BACH2: variants seen among roughly 807,000 people sequenced by gnomAD.
BACH2 encodes BACH transcriptional regulator 2, also known as transcription regulator protein BACH2.
BACH2 carries 5 observed loss-of-function variants against 61.8 expected under a neutral mutation model. The observed-to-expected ratio is 0.08, with a 90% CI of 0.04 to 0.17. The LOEUF is 0.17. Ranked by LOEUF, BACH2 falls within the 10% of genes least tolerant of loss-of-function variation. The probability of loss-of-function intolerance (pLI) is 1.00; values close to 1 mark genes in which losing one functional copy is unlikely to be tolerated. For missense variants in BACH2, 824 were observed against 1,091.1 expected (o/e 0.76, Z 3.45); for synonymous variants, 446 against 440.1 (o/e 1.01, Z -0.17).
chr6:90,050,199 C>G (rs1287702634), intron 5 of BACH2, among the ~76,000 whole-genome samples: 1 of 152,122 alleles, frequency 6.6e-6, no homozygotes, highest in Non-Finnish European at 1.5e-5. Context: ...TTTTGAAGAT[C>G]TGTGTAAGCT....
At chr6:90,093,624 G>A (rs569260164) in intron 4 of BACH2, among the ~76,000 whole-genome samples, 1 of 152,272 alleles carries the variant, frequency 6.6e-6, no homozygotes, top group East Asian at 1.9e-4. Flanking sequence ...TGCAGCCCTA[G>A]GTGGCTTCAC....
chr6:90,178,990 G>T (rs969219359), intron 4 of BACH2, among the ~76,000 whole-genome samples: 1 of 152,142 alleles, frequency 6.6e-6, no homozygotes, highest in African/African-American at 2.4e-5. Context: ...CATTTTTTAT[G>T]ACTCGTTAAA....
At chr6:90,199,795 A>G (rs937913682) in intron 4 of BACH2, among the ~76,000 whole-genome samples, 1 of 152,202 alleles carries the variant, frequency 6.6e-6, no homozygotes, top group African/African-American at 2.4e-5. Flanking sequence ...AGTTTTTTGA[A>G]GAGCTAAGGG....
At chr6:90,172,524 C>T (rs942892087) in intron 4 of BACH2, among the ~76,000 whole-genome samples, 2 of 151,514 alleles carry the variant, frequency 1.3e-5, no homozygotes, top group African/African-American at 2.4e-5. Context: ...GAAATGCCCA[C>T]CCAGACAAAG....
chr6:89,980,648 A>T (rs1775900413), intron 6 of BACH2, among the ~76,000 whole-genome samples: 1 of 152,180 alleles, frequency 6.6e-6, no homozygotes, highest in Non-Finnish European at 1.5e-5. Context: ...GGCCCTGAGG[A>T]CATTCACCTG....
intron 4 of BACH2, among the ~76,000 whole-genome samples, chr6:90,123,959 G>A (rs1304156197): frequency 6.6e-6 from 1 of 152,136 alleles, no homozygotes; most frequent in Non-Finnish European, 1.5e-5. Context: ...AGCTGATGAA[G>A]AAACCCGATG....
intron 5 of BACH2, among the ~76,000 whole-genome samples, chr6:90,058,008 C>T (rs1190624375): frequency 3.3e-5 from 5 of 152,194 alleles, no homozygotes; most frequent in African/African-American, 1.2e-4. Flanking sequence ...AAACCCACAG[C>T]CAATATCATA....
chr6:90,279,974 T>C (rs952060040), intron 1 of BACH2, among the ~76,000 whole-genome samples: 1 of 152,194 alleles, frequency 6.6e-6, no homozygotes. Flanking sequence ...TTGTTAGTCA[T>C]GGCCTTTTGA....
chr6:90,170,185 T>A (rs1223274243), intron 4 of BACH2, among the ~76,000 whole-genome samples: 3 of 152,214 alleles, frequency 2.0e-5, no homozygotes, highest in Non-Finnish European at 4.4e-5. Context: ...ACTTTCTGCA[T>A]AAACTTCAGT....
At chr6:90,044,008 T>C (rs1363929769) in intron 5 of BACH2, among the ~76,000 whole-genome samples, 1 of 152,156 alleles carries the variant, frequency 6.6e-6, no homozygotes, top group Non-Finnish European at 1.5e-5. Flanking sequence ...CCATCAATAT[T>C]GATGGAGTGT....
At chr6:90,286,509 T>C (rs1476864132) in intron 1 of BACH2, among the ~76,000 whole-genome samples, 2 of 152,200 alleles carry the variant, frequency 1.3e-5, no homozygotes, top group East Asian at 1.9e-4. Flanking sequence ...TGAAAATGTC[T>C]TGAACTTAAA....
At chr6:90,280,993 C>G (rs536053350) in intron 1 of BACH2, among the ~76,000 whole-genome samples, 14 of 152,342 alleles carry the variant, frequency 9.2e-5, no homozygotes, top group African/African-American at 2.9e-4. Context: ...GGTTTCCAGA[C>G]CCCTAAACAT....
rs1249243965 is a variant in BACH2, at chr6:89,938,235, C to T, written c.1952G>A (p.Arg651Gln). 1.9e-6 allele frequency: 3 copies of T among 1,614,208 alleles called. No homozygotes were observed. Among genetic ancestry groups the T allele is most frequent in the Non-Finnish European group, 1.7e-6 (2 of 1,180,022 alleles). ...SEQLEFIHDV[R>Q]RRSKNRIAAQ... The stretch of plus-strand genomic sequence containing the variant: ...CGCGATGCGGTTCTTGCTGCGCCGT[C>T]GGACATCATGAATAAACTCTAACTG... The change falls in exon 8 of 9, where the codon CGA (arginine) becomes CAA (glutamine). Residue 651 changes from arginine to glutamine, a missense_variant. Arg to Gln is a conservative substitution (Grantham distance 43, BLOSUM62 1). Coordinates refer to ENST00000257749, the MANE Select transcript of BACH2 (RefSeq NM_021813.4).
chr6:90,272,188 G>A lies in BACH2; in HGVS notation c.-445-247C>T, dbSNP rs958342770. 7.9e-5 allele frequency among the ~76,000 whole-genome samples: 12 copies of A among 151,942 alleles called. 1 individual carries two copies. The highest frequency in any genetic ancestry group is 1.3e-4 in the Admixed American group (2 of 15,264). ...TGCAGGGTACAAATGGCCTTCTTCCGTGTCAAATCTTATGTCCCCCTTTCA... is the reference window on the plus strand; with the variant it reads ...TGCAGGGTACAAATGGCCTTCTTCCATGTCAAATCTTATGTCCCCCTTTCA... On this transcript the variant is annotated intron_variant, in intron 1 of 8. Coordinates refer to ENST00000257749, the MANE Select transcript of BACH2 (RefSeq NM_021813.4).
At chr6:89,937,426 G>A (rs1773092366) in intron 8 of BACH2, among the ~76,000 whole-genome samples, 1 of 152,192 alleles carries the variant, frequency 6.6e-6, no homozygotes, top group Admixed American at 6.5e-5. Flanking sequence ...TGGGGATAAA[G>A]GAGTGCCTGA....
chr6:89,949,668 T>C (rs1288175657), intron 7 of BACH2, among the ~76,000 whole-genome samples: 2 of 152,160 alleles, frequency 1.3e-5, no homozygotes, highest in Non-Finnish European at 2.9e-5. Context: ...AAATGATCCA[T>C]TATACATTAT....
chr6:90,254,377 C>T (rs1298971380), intron 2 of BACH2, among the ~76,000 whole-genome samples: 2 of 151,820 alleles, frequency 1.3e-5, no homozygotes, highest in Non-Finnish European at 2.9e-5. Flanking sequence ...TATATTAAAG[C>T]ATCCTAATAA....
At chr6:89,973,130 G>A (rs959847562) in intron 6 of BACH2, among the ~76,000 whole-genome samples, 1 of 152,184 alleles carries the variant, frequency 6.6e-6, no homozygotes, top group African/African-American at 2.4e-5. Context: ...GGCTGGGCGT[G>A]TTGGCTTGGG....
intron 3 of BACH2, among the ~76,000 whole-genome samples, chr6:90,231,077 T>C (rs1770080791): frequency 6.6e-6 from 1 of 152,168 alleles, no homozygotes; most frequent in Admixed American, 6.5e-5. Flanking sequence ...CTGCAGGCCA[T>C]TTCCAGCTGA....
Sources: gnomAD v4.1 joint callset for allele counts (sites outside exome capture counted in the v4.1 genomes callset) on GRCh38, gnomAD v4.1.1 for gene constraint, MANE v1.5 for transcripts, NCBI Gene and HGNC (gene_info 2026-07-23, HGNC 2026-07-21) for gene names.